POFUT3: variants seen among roughly 807,000 people sequenced by gnomAD.
POFUT3 encodes the protein GDP-fucose protein O-fucosyltransferase 3.
At chr8:33,436,226 C>G in the POFUT3 span, 2 of 1,327,776 alleles carry the variant, frequency 1.5e-6, no homozygotes, top group African/African-American at 2.9e-5. Context: ...CTGGGTACCA[C>G]GAAGGGTGTA....
At chr8:33,333,014 C>T in the POFUT3 span, among the ~76,000 whole-genome samples, 2 of 152,196 alleles carry the variant, frequency 1.3e-5, no homozygotes, top group African/African-American at 4.8e-5. Context: ...CAGCCAGAGT[C>T]ATACATTTCT....
the POFUT3 span, among the ~76,000 whole-genome samples, chr8:33,404,627 T>A: frequency 2.0e-5 from 3 of 152,076 alleles, no homozygotes; most frequent in South Asian, 2.1e-4. Context: ...CCACTTTGGG[T>A]CAAGTTCTTG....
chr8:33,382,480 G>A, the POFUT3 span, among the ~76,000 whole-genome samples: 1 of 152,118 alleles, frequency 6.6e-6, no homozygotes, highest in Non-Finnish European at 1.5e-5. Context: ...TTAACAGATG[G>A]GTGGCAAATG....
the POFUT3 span, among the ~76,000 whole-genome samples, chr8:33,379,719 C>T: frequency 2.5e-4 from 38 of 150,336 alleles, no homozygotes; most frequent in East Asian, 7.3e-3. Flanking sequence ...ACCTGTAGTC[C>T]CAGCTAGTCA....
At chr8:33,316,292 T>A in the POFUT3 span, among the ~76,000 whole-genome samples, 1 of 152,128 alleles carries the variant, frequency 6.6e-6, no homozygotes, top group Non-Finnish European at 1.5e-5. Context: ...CCAGTTCCTA[T>A]CTTCCCCACT....
chr8:33,328,792 C>G, the POFUT3 span, among the ~76,000 whole-genome samples: 1 of 152,062 alleles, frequency 6.6e-6, no homozygotes, highest in South Asian at 2.1e-4. Flanking sequence ...TAACCAACAC[C>G]CAAATCTGTA....
chr8:33,437,138 G>C, the POFUT3 span, among the ~76,000 whole-genome samples: 1 of 152,114 alleles, frequency 6.6e-6, no homozygotes, highest in African/African-American at 2.4e-5. Context: ...CGGTGTATAT[G>C]AAGATTTTCT....
At chr8:33,334,407 AG>A in the POFUT3 span, among the ~76,000 whole-genome samples, 2 of 152,126 alleles carry the variant, frequency 1.3e-5, no homozygotes, top group African/African-American at 4.8e-5. Context: ...TAGTAGAGAC[AG>A]GGTTTCACCA....
chr8:33,356,930 TC>T, the POFUT3 span, among the ~76,000 whole-genome samples: 5 of 152,140 alleles, frequency 3.3e-5, no homozygotes, highest in Non-Finnish European at 5.9e-5. Context: ...AAATAGGGAA[TC>T]CTTTCCCCAT....
At chr8:33,367,414 T>C in the POFUT3 span, among the ~76,000 whole-genome samples, 15 of 152,266 alleles carry the variant, frequency 9.9e-5, no homozygotes, top group South Asian at 4.1e-4. Flanking sequence ...GGAATACTTT[T>C]AGTTAATTTA....
At chr8:33,341,941 C>T in the POFUT3 span, among the ~76,000 whole-genome samples, 1 of 151,974 alleles carries the variant, frequency 6.6e-6, no homozygotes, top group South Asian at 2.1e-4. Flanking sequence ...GCCTGTAATC[C>T]CAGCATTTTG....
At chr8:33,409,713 GGC>G in the POFUT3 span, among the ~76,000 whole-genome samples, 112 of 152,204 alleles carry the variant, frequency 7.4e-4, no homozygotes, top group East Asian at 0.021. Flanking sequence ...AGACCATCCT[GGC>G]TAACACGGTG....
the POFUT3 span, among the ~76,000 whole-genome samples, chr8:33,401,803 G>A: frequency 1.3e-5 from 2 of 152,108 alleles, no homozygotes; most frequent in South Asian, 4.1e-4. Flanking sequence ...TGAGGCGGGT[G>A]AATCACTTGA....
At chr8:33,455,335 C>T in the POFUT3 span, among the ~76,000 whole-genome samples, 1 of 152,052 alleles carries the variant, frequency 6.6e-6, no homozygotes, top group Non-Finnish European at 1.5e-5. Flanking sequence ...GCAGAAACTC[C>T]AGAAGTGCTG....
the POFUT3 span, among the ~76,000 whole-genome samples, chr8:33,364,009 C>T: frequency 3.9e-5 from 6 of 152,222 alleles, no homozygotes; most frequent in East Asian, 5.8e-4. Flanking sequence ...AACACTGATG[C>T]GAAAATCCTC....
chr8:33,335,977 CT>C, the POFUT3 span, among the ~76,000 whole-genome samples: 5 of 151,006 alleles, frequency 3.3e-5, no homozygotes, highest in East Asian at 7.7e-4. Flanking sequence ...ACCGGTGTAA[CT>C]TTTTTTTTAA....
the POFUT3 span, among the ~76,000 whole-genome samples, chr8:33,449,715 C>G: frequency 6.6e-6 from 1 of 152,108 alleles, no homozygotes; most frequent in South Asian, 2.1e-4. Context: ...ATATGTCCTT[C>G]AATCTTTATC....
chr8:33,355,849 G>A, the POFUT3 span, among the ~76,000 whole-genome samples: 9 of 152,194 alleles, frequency 5.9e-5, no homozygotes, highest in South Asian at 1.5e-3. Context: ...AGTCCCCAGA[G>A]TGTGATGTTC....
chr8:33,436,243 T>C, the POFUT3 span: 4 of 1,353,862 alleles, frequency 3.0e-6, no homozygotes, highest in Non-Finnish European at 2.1e-6. Flanking sequence ...TGTATTCTCA[T>C]GCACAACAAC....
Sources: gnomAD v4.1 joint callset for allele counts (sites outside exome capture counted in the v4.1 genomes callset) on GRCh38, gnomAD v4.1.1 for gene constraint, MANE v1.5 for transcripts, NCBI Gene and HGNC (gene_info 2026-07-23, HGNC 2026-07-21) for gene names.